Variants in OGDH observed in about 807,000 individuals in gnomAD.
The protein encoded by OGDH is 2-oxoglutarate dehydrogenase complex component E1.
In OGDH, 38 loss-of-function variants were observed where a neutral mutation model predicts 116.6. That is an observed-to-expected ratio of 0.33 (90% CI 0.25 to 0.43). The LOEUF (loss-of-function observed/expected upper bound fraction) is 0.43, where lower values mean the gene tolerates loss of function less well. OGDH is among the 20% of genes least tolerant of loss of function. OGDH has a pLI of 1.00. For missense variants in OGDH, 825 were observed against 1,357.2 expected, an observed-to-expected ratio of 0.61 and a Z score of 6.16; for synonymous variants, 488 against 533.3, an observed-to-expected ratio of 0.92 and a Z score of 1.17.
intron 2 of OGDH, among the ~76,000 whole-genome samples, chr7:44,644,846 T>C (rs1786098203): frequency 6.6e-6 from 1 of 151,708 alleles, no homozygotes; most frequent in Non-Finnish European, 1.5e-5. Context: ...TTGAGGGAGG[T>C]GTTTGATGGG....
chr7:44,632,224 G>A (rs1422425695), intron 2 of OGDH, among the ~76,000 whole-genome samples: 2 of 152,046 alleles, frequency 1.3e-5, no homozygotes, highest in Non-Finnish European at 2.9e-5. Context: ...CTGAGGCCAG[G>A]ACAGCAGGCA....
rs114386554 is a variant in OGDH, at chr7:44,672,219, G to A, written c.634-1568G>A. Among the ~76,000 whole-genome samples, 357 of 152,244 alleles carry A rather than the reference G, an allele frequency of 2.3e-3. 1 individual carries two copies. The highest frequency in any genetic ancestry group is 8.2e-3 in the African/African-American group (340 of 41,528). On this transcript the variant is annotated intron_variant, in intron 5 of 22. Transcript: ENST00000222673. The stretch of plus-strand genomic sequence containing the variant: ...GTATTGTGGTTGGCCATAATTTTGA[G>A]TTTAGGCAAAGTTTGCTTTGTTTCA...
rs904318047 is a variant in OGDH at position 44,696,329 on chromosome 7, G to A, written c.1772-100G>A. On this transcript the variant is annotated intron_variant, in intron 13 of 22. Transcript: ENST00000222673. ...TGGGGAACACAGTGTGAGCTACATTGTCTCTCACCCTGCTTCTCCCCAAAA... is the reference window on the plus strand; with the variant it reads ...TGGGGAACACAGTGTGAGCTACATTATCTCTCACCCTGCTTCTCCCCAAAA... 12 of 1,436,812 alleles carry A rather than the reference G, an allele frequency of 8.4e-6. No individual in the cohort carries two copies. In the African/African-American group the frequency reaches 1.1e-4, roughly 13 times the overall value. 89.0% of individuals were successfully genotyped at this position (1,436,812 alleles called of 1,614,324 possible).
chr7:44,642,795 G>A lies in OGDH; in HGVS notation c.223-2532G>A, dbSNP rs776063459. ...AAATTAGCTGGGCATGGTGGCAGGC[G>A]CCTGTAATCCCAGCTACTCGGGAGG... On this transcript the variant is annotated intron_variant, in intron 2 of 22. Transcript: ENST00000222673. Among the ~76,000 whole-genome samples the A allele has an allele frequency of 3.9e-5, 6 of 151,956 alleles. No individual in the cohort carries two copies. In the South Asian group the frequency reaches 8.3e-4, roughly 21 times the overall value.
In OGDH at chr7:44,694,977, G is replaced by C. The variant is rs1260132895; in HGVS notation, c.1668+401G>C. On this transcript the variant is annotated intron_variant, in intron 12 of 22. Coordinates refer to ENST00000222673, the MANE Select transcript of OGDH (RefSeq NM_002541.4). The surrounding 1 kb of genome is among the most constrained non-coding windows in gnomAD (Gnocchi z 4.2). ...AGGCCAAGCAGCTGCCCTAGAGAGG[G>C]AGAGGGTGGGTGTGAGGAGCTATAT... Among the ~76,000 whole-genome samples, 1 of 152,158 alleles carries C rather than the reference G, an allele frequency of 6.6e-6. No individual in the cohort carries two copies. Among genetic ancestry groups the C allele is most frequent in the Non-Finnish European group, 1.5e-5 (1 of 68,028 alleles).
At chr7:44,635,707 AT>A (rs201074007) in intron 2 of OGDH, among the ~76,000 whole-genome samples, 3,421 of 142,788 alleles carry the variant, frequency 0.024, 114 homozygotes, top group African/African-American at 0.072. Flanking sequence ...GGACTTTATA[AT>A]TTTTTTTTTT....
chr7:44,683,074 G>A (rs1383129249), intron 10 of OGDH, among the ~76,000 whole-genome samples: 3 of 152,122 alleles, frequency 2.0e-5, no homozygotes, highest in South Asian at 2.1e-4. Flanking sequence ...GCGTGAACCC[G>A]GGAGGTGGAG....
intron 2 of OGDH, among the ~76,000 whole-genome samples, chr7:44,637,818 CAAA>C (rs59064314): frequency 1.7e-5 from 2 of 117,882 alleles, no homozygotes; most frequent in African/African-American, 3.1e-5. Flanking sequence ...GACTCTGTCT[CAAA>C]AAAAAAAAAA....
At chr7:44,646,503 T>A (rs1217806560) in intron 3 of OGDH, among the ~76,000 whole-genome samples, 2 of 152,258 alleles carry the variant, frequency 1.3e-5, no homozygotes, top group Non-Finnish European at 2.9e-5. Context: ...TGGAGTTTTG[T>A]AAATGCTATA....
intron 2 of OGDH, among the ~76,000 whole-genome samples, chr7:44,635,461 AC>A (rs1350932907): frequency 2.0e-5 from 3 of 152,066 alleles, no homozygotes; most frequent in Non-Finnish European, 2.9e-5. Flanking sequence ...GATTATTTAG[AC>A]AAGGTGGCAG....
chr7:44,674,236 G>A (rs961269084), intron 6 of OGDH, among the ~76,000 whole-genome samples, 175 bp from the exon 7 acceptor site: 1 of 152,156 alleles, frequency 6.6e-6, no homozygotes, highest in Non-Finnish European at 1.5e-5. Flanking sequence ...GTAGAGATGA[G>A]GTTTCACCGT....
intron 2 of OGDH, among the ~76,000 whole-genome samples, chr7:44,637,834 T>A (rs1040854563): frequency 8.7e-5 from 13 of 148,838 alleles, no homozygotes; most frequent in African/African-American, 2.2e-4. Flanking sequence ...AAAAAAAAAA[T>A]GGTATTCATT....
chr7:44,676,794 CAG>C (rs918251910), intron 9 of OGDH, among the ~76,000 whole-genome samples: 7 of 152,032 alleles, frequency 4.6e-5, no homozygotes, highest in South Asian at 2.1e-4. Context: ...TCTGAATGGA[CAG>C]AGATGTTTTC....
At position 44,626,342 on chromosome 7, in the gene OGDH, C is replaced by CCCCT. The variant is rs1562620008; in HGVS notation, c.222+1777_222+1778insCCCT. 3.4e-3 allele frequency among the ~76,000 whole-genome samples: 515 copies of CCCCT among 151,094 alleles called. 4 individuals are homozygous for CCCCT. Among genetic ancestry groups the CCCCT allele is most frequent in the African/African-American group, 0.011 (464 of 40,982 alleles). On this transcript the variant is annotated intron_variant, in intron 2 of 22. Transcript: ENST00000222673. ...ACACACACACACACACCCCTACACA[C>CCCCT]ACACACACACACACACACCCCTACA...
At chr7:44,609,339 CAAAAA>C (rs1185554089) in intron 1 of OGDH, among the ~76,000 whole-genome samples, 4 of 81,616 alleles carry the variant, frequency 4.9e-5, no homozygotes, top group Non-Finnish European at 8.8e-5. Flanking sequence ...CTCGTCTCTA[CAAAAA>C]AAAAAAAAAA....
chr7:44,698,300 G>A (rs538882744), intron 18 of OGDH, 37 bp downstream of exon 18: 53 of 1,606,452 alleles, frequency 3.3e-5, no homozygotes, highest in South Asian at 1.2e-4. Flanking sequence ...AGCCATTCTC[G>A]GGGTGTCTGG....
chr7:44,673,974 A>C, intron 6 of OGDH, 33 bp downstream of exon 6: 1 of 1,612,826 alleles, frequency 6.2e-7, no homozygotes, highest in Non-Finnish European at 8.5e-7. Flanking sequence ...TGGGGCAGAC[A>C]TTCCCAGGGA....
intron 18 of OGDH, among the ~76,000 whole-genome samples, chr7:44,698,509 AAGCACAGAAACGCCATGTGAGCTCCTC>A (rs1321639770): frequency 2.0e-5 from 3 of 152,080 alleles, no homozygotes; most frequent in Non-Finnish European, 4.4e-5. Context: ...CTGTTGCTGC[AAGCACAGAAACGCCATGTGAGCTCCTC>A]AGCAAGGGCT....
chr7:44,630,749 T>C (rs1785403472), intron 2 of OGDH, among the ~76,000 whole-genome samples: 1 of 152,246 alleles, frequency 6.6e-6, no homozygotes, highest in African/African-American at 2.4e-5. Flanking sequence ...TTGTTATACT[T>C]CATTGTTTGT....
Sources: allele counts gnomAD v4.1 joint callset (sites outside exome capture counted in the v4.1 genomes callset), GRCh38; gene constraint gnomAD v4.1.1; non-coding constraint Gnocchi (gnomAD v3.1); transcripts MANE v1.5; gene names NCBI Gene and HGNC (gene_info 2026-07-23, HGNC 2026-07-21).